The following CAB39 variants were observed in gnomAD, a reference collection of about 807,000 sequenced individuals.
The protein encoded by CAB39 is calcium binding protein 39.
In CAB39, 8 loss-of-function variants were observed where a neutral mutation model predicts 40.0. That is an observed-to-expected ratio of 0.20 (90% CI 0.12 to 0.36). CAB39 has a LOEUF of 0.36. CAB39 is among the 10% of genes least tolerant of loss of function. CAB39 has a pLI of 1.00. For missense variants in CAB39, 270 were observed against 401.1 expected, an observed-to-expected ratio of 0.67 and a Z score of 2.79; for synonymous variants, 156 against 141.6, an observed-to-expected ratio of 1.10 and a Z score of -0.72.
chr2:230,730,595 C>T (rs1011721238), intron 1 of CAB39, among the ~76,000 whole-genome samples: 2 of 151,986 alleles, frequency 1.3e-5, no homozygotes, highest in African/African-American at 4.8e-5. Flanking sequence ...AGGCACCTGC[C>T]ACCACACCCG....
chr2:230,778,684 T>G (rs192821226), intron 2 of CAB39, among the ~76,000 whole-genome samples: 28 of 152,332 alleles, frequency 1.8e-4, no homozygotes, highest in Admixed American at 3.3e-4. Context: ...GAGGTTATTA[T>G]GGACTCTATC....
intron 4 of CAB39, among the ~76,000 whole-genome samples, chr2:230,798,215 G>C (rs1255466385): frequency 6.6e-6 from 1 of 152,178 alleles, no homozygotes; most frequent in East Asian, 1.9e-4. Context: ...CAGCTTGGTA[G>C]TGTTTACATG....
At chr2:230,739,739 C>G (rs576685780) in intron 1 of CAB39, among the ~76,000 whole-genome samples, 10 of 152,316 alleles carry the variant, frequency 6.6e-5, no homozygotes, top group African/African-American at 1.7e-4. Context: ...GGTGATCCGC[C>G]CACCTCGGCC....
chr2:230,802,268 G>C (rs370234143), intron 5 of CAB39, among the ~76,000 whole-genome samples: 1 of 152,206 alleles, frequency 6.6e-6, no homozygotes, highest in South Asian at 2.1e-4. Flanking sequence ...AAAACAGTGT[G>C]TAGAGGGAAA....
chr2:230,781,895 C>T (rs1016627850), intron 2 of CAB39, among the ~76,000 whole-genome samples: 1 of 152,158 alleles, frequency 6.6e-6, no homozygotes, highest in Non-Finnish European at 1.5e-5. Flanking sequence ...AACACAGTCT[C>T]GCTCTGTCAC....
intron 5 of CAB39, 49 bp from the exon 6 acceptor site, chr2:230,810,214 T>C: frequency 1.2e-6 from 1 of 856,902 alleles, no homozygotes; most frequent in Non-Finnish European, 1.9e-6. Context: ...GATTCGCTTT[T>C]TTGAAAACTT....
chr2:230,804,939 C>T (rs1696163360), intron 5 of CAB39, among the ~76,000 whole-genome samples: 1 of 152,202 alleles, frequency 6.6e-6, no homozygotes, highest in South Asian at 2.1e-4. Flanking sequence ...TATGAAGACA[C>T]ATGCACACGT....
At chr2:230,756,776 T>A (rs935613950) in intron 1 of CAB39, among the ~76,000 whole-genome samples, 6 of 151,960 alleles carry the variant, frequency 3.9e-5, no homozygotes, top group Non-Finnish European at 8.8e-5. Flanking sequence ...CACTGCAACC[T>A]CCCCGTCCCG....
chr2:230,818,468 T>C (rs757431301), intron 8 of CAB39, 48 bp from the exon 9 acceptor site: 19 of 1,521,060 alleles, frequency 1.2e-5, no homozygotes, highest in Non-Finnish European at 1.6e-5. Context: ...CAGGTGTGGC[T>C]GCGTTTTGTC....
chr2:230,790,081 T>C (rs1470024130), intron 2 of CAB39, among the ~76,000 whole-genome samples: 1 of 151,850 alleles, frequency 6.6e-6, no homozygotes, highest in East Asian at 1.9e-4. Context: ...AAAATCGGCC[T>C]GGCATGGTGG....
intron 1 of CAB39, among the ~76,000 whole-genome samples, chr2:230,727,051 TAGG>T (rs1694592557): frequency 6.6e-6 from 1 of 151,792 alleles, no homozygotes; most frequent in South Asian, 2.1e-4. Context: ...GAACAAGACA[TAGG>T]AGTATATCCA....
At chr2:230,817,177 G>A (rs1280792380) in intron 7 of CAB39, among the ~76,000 whole-genome samples, 1 of 152,138 alleles carries the variant, frequency 6.6e-6, no homozygotes, top group Non-Finnish European at 1.5e-5. Context: ...AGAAAACACT[G>A]GATTATCTTC....
intron 4 of CAB39, among the ~76,000 whole-genome samples, chr2:230,795,889 A>G (rs1695978277): frequency 1.3e-5 from 2 of 152,056 alleles, no homozygotes; most frequent in African/African-American, 2.4e-5. Context: ...ACTTCCTTAG[A>G]TAAGTATTGA....
At chr2:230,792,433 T>G (rs1218780559) in intron 3 of CAB39, among the ~76,000 whole-genome samples, 2 of 152,210 alleles carry the variant, frequency 1.3e-5, no homozygotes, top group African/African-American at 4.8e-5. Context: ...GTCTGTGGTT[T>G]AGGTATACCC....
intron 1 of CAB39, among the ~76,000 whole-genome samples, chr2:230,748,834 ATATATATATAT>A (rs1695032917): frequency 2.8e-4 from 15 of 53,944 alleles, no homozygotes; most frequent in Non-Finnish European, 4.1e-4. Context: ...AAAAAAAAAT[ATATATATATAT>A]ATATATATAT....
intron 2 of CAB39, among the ~76,000 whole-genome samples, chr2:230,782,404 A>G (rs1488674107): frequency 6.6e-6 from 1 of 152,116 alleles, no homozygotes; most frequent in East Asian, 1.9e-4. Context: ...AAAAGGAGAA[A>G]TGGAAGAAGA....
intron 1 of CAB39, among the ~76,000 whole-genome samples, chr2:230,755,855 A>G (rs747766304): frequency 6.6e-6 from 1 of 152,200 alleles, no homozygotes; most frequent in Admixed American, 6.5e-5. Context: ...TTATGGTGAA[A>G]TATATCTTTA....
chr2:230,756,342 T>C (rs1695189574), intron 1 of CAB39, among the ~76,000 whole-genome samples: 1 of 152,246 alleles, frequency 6.6e-6, no homozygotes, highest in Admixed American at 6.5e-5. Flanking sequence ...ACAGTAGGTA[T>C]TTGTAACACA....
chr2:230,758,955 A>G (rs915950172), intron 1 of CAB39, among the ~76,000 whole-genome samples: 1 of 152,058 alleles, frequency 6.6e-6, no homozygotes, highest in African/African-American at 2.4e-5. Flanking sequence ...TGTCTTGTTA[A>G]CTTTGTTTCT....
Sources: allele counts gnomAD v4.1 joint callset (sites outside exome capture counted in the v4.1 genomes callset), GRCh38; gene constraint gnomAD v4.1.1; transcripts MANE v1.5; gene names NCBI Gene and HGNC (gene_info 2026-07-23, HGNC 2026-07-21).